Variants in PCDHGB5 observed in about 807,000 individuals in gnomAD.
PCDHGB5 encodes the protein protocadherin gamma subfamily B, 5.
Under a neutral mutation model 62.9 loss-of-function variants are expected in PCDHGB5, and 48 were observed. The observed-to-expected ratio is 0.76, with a 90% confidence interval of 0.61 to 0.97. The LOEUF is 0.97. Ranked by LOEUF, PCDHGB5 falls within the 50% of genes least tolerant of loss-of-function variation. The pLI, the probability that PCDHGB5 is intolerant of heterozygous loss-of-function variation, is 0.00. For missense variants in PCDHGB5, 1,118 were observed against 1,198.6 expected, an observed-to-expected ratio of 0.93 and a Z score of 0.99; for synonymous variants, 474 against 511.2, an observed-to-expected ratio of 0.93 and a Z score of 0.98.
Position 141,486,955 on chromosome 5 carries a change from T to A in PCDHGB5, c.2398-7852T>A, listed in dbSNP as rs1459820579. 1.9e-6 allele frequency: 3 copies of A among 1,614,128 alleles called. No individual in the cohort carries two copies. The highest frequency in any genetic ancestry group is 2.5e-6 in the Non-Finnish European group (3 of 1,180,048). ...CTGGCCACCTAATCACAAAGGTGACTGCTGTGGACTTGGATTCAGGTTACA... is the reference window on the plus strand; with the variant it reads ...CTGGCCACCTAATCACAAAGGTGACAGCTGTGGACTTGGATTCAGGTTACA... On this transcript the variant is annotated intron_variant, in intron 1 of 3. Coordinates refer to ENST00000617380, the MANE Select transcript of PCDHGB5 (RefSeq NM_018925.3). This position sits in a 1 kb window ranked among gnomAD's most constrained non-coding sequence, Gnocchi z 5.0.
rs768635851 is a variant in PCDHGB5 at position 141,489,334 on chromosome 5, C to G, written c.2398-5473C>G. 2 of 1,606,614 alleles carry G rather than the reference C, an allele frequency of 1.2e-6. No individual in the cohort carries two copies. Among genetic ancestry groups the G allele is most frequent in the Non-Finnish European group, 1.7e-6 (2 of 1,175,584 alleles). On this transcript the variant is annotated intron_variant, in intron 1 of 3. Coordinates refer to ENST00000617380, the MANE Select transcript of PCDHGB5 (RefSeq NM_018925.3). The surrounding 1 kb of genome is among the most constrained non-coding windows in gnomAD (Gnocchi z 4.5). Reference sequence around the variant, plus strand: ...CTGGGGCTGGGTGTCTGGGCAGCTTCGTTACTCAGTGGTGGAGGAGTCTGA... The same window carrying G: ...CTGGGGCTGGGTGTCTGGGCAGCTTGGTTACTCAGTGGTGGAGGAGTCTGA...
rs559544645 is a variant in PCDHGB5, at chr5:141,405,144, G to C, written c.2397+4620G>C. ...CATCTGCTGCGGGCTACCAGTGATGGGTTGGCTGGTGTGCCCACCTCACAC... is the reference window on the plus strand; with the variant it reads ...CATCTGCTGCGGGCTACCAGTGATGCGTTGGCTGGTGTGCCCACCTCACAC... On this transcript the variant is annotated intron_variant, in intron 1 of 3. Coordinates refer to ENST00000617380, the MANE Select transcript of PCDHGB5 (RefSeq NM_018925.3). 1.1e-4 allele frequency: 184 copies of C among 1,614,070 alleles called. 1 individual carries two copies. The South Asian group carries it at 1.9e-3, about 17-fold the overall frequency.
chr5:141,417,682 AAAAG>A (rs2096147308), intron 1 of PCDHGB5: 2 of 1,035,494 alleles, frequency 1.9e-6, no homozygotes, highest in Non-Finnish European at 2.7e-6. Context: ...CCAACAACAG[AAAAG>A]AAAACCAGCT....
intron 1 of PCDHGB5, chr5:141,421,043 C>T (rs1201118615): frequency 5.5e-6 from 3 of 548,238 alleles, no homozygotes; most frequent in African/African-American, 3.9e-5. Flanking sequence ...CCTCCCTCCC[C>T]CGCCTCTACC....
At chr5:141,497,060 G>T (rs1244885752) in intron 2 of PCDHGB5, among the ~76,000 whole-genome samples, 1 of 151,952 alleles carries the variant, frequency 6.6e-6, no homozygotes, top group Non-Finnish European at 1.5e-5. Context: ...GTGGTGGCAG[G>T]CACCTGTAAT....
intron 1 of PCDHGB5, among the ~76,000 whole-genome samples, chr5:141,481,728 C>T (rs529419213): frequency 2.1e-4 from 32 of 152,032 alleles, no homozygotes; most frequent in African/African-American, 7.2e-4. Flanking sequence ...CGGAGGCGGG[C>T]GGATCACGAG....
chr5:141,498,312 T>C (rs2099783060), intron 2 of PCDHGB5, among the ~76,000 whole-genome samples: 1 of 151,714 alleles, frequency 6.6e-6, no homozygotes, highest in Non-Finnish European at 1.5e-5. Context: ...TCACACTGCC[T>C]ACACAGAAGG....
intron 1 of PCDHGB5, chr5:141,410,497 T>TG (rs1192894414): frequency 6.2e-7 from 1 of 1,613,998 alleles, no homozygotes; most frequent in South Asian, 1.1e-5. Flanking sequence ...AAGAGTTTAA[T>TG]TTCCTAAAAT....
chr5:141,439,162 C>T (rs1422780686), intron 1 of PCDHGB5, among the ~76,000 whole-genome samples: 1 of 149,498 alleles, frequency 6.7e-6, no homozygotes, highest in Non-Finnish European at 1.5e-5. Flanking sequence ...CACTGCACTC[C>T]AGCCTGGGCG....
rs766258677 is a variant in PCDHGB5, at chr5:141,399,867, C to T, written c.1740C>T (p.Pro580=). Residue 580 remains proline, a synonymous_variant, in exon 1 of 4, where the codon CCC becomes CCT. Coordinates refer to ENST00000617380, the MANE Select transcript of PCDHGB5 (RefSeq NM_018925.3). ...ATATGGTGCCGCGCGCTGCAGAGCCCGGCTACCTGGTGACCAAGGTAGTGG... is the reference window on the plus strand; with the variant it reads ...ATATGGTGCCGCGCGCTGCAGAGCCTGGCTACCTGGTGACCAAGGTAGTGG... The part of the protein sequence containing the change: ...LFDMVPRAAE[P]GYLVTKVVAV... 17 of 1,612,738 alleles carry T rather than the reference C, an allele frequency of 1.1e-5. No homozygotes were observed. The highest frequency in any genetic ancestry group is 3.3e-5 in the South Asian group (3 of 91,062).
intron 1 of PCDHGB5, among the ~76,000 whole-genome samples, chr5:141,454,731 G>T (rs1249851832): frequency 6.7e-6 from 1 of 150,262 alleles, no homozygotes; most frequent in Non-Finnish European, 1.5e-5. Context: ...ATATGTTATA[G>T]GATGAAAAGA....
Position 141,476,793 on chromosome 5 carries a change from C to T in PCDHGB5, c.2398-18014C>T, listed in dbSNP as rs754785656. ...GACGGAGGGACCCCAGCTCTCTCCG[C>T]CAGCCTGCCTATTCACATCAAGGTG... On this transcript the variant is annotated intron_variant, in intron 1 of 3. Transcript: ENST00000617380. The surrounding 1 kb of genome is among the most constrained non-coding windows in gnomAD (Gnocchi z 7.6). 1.2e-6 allele frequency: 2 copies of T among 1,613,642 alleles called. No homozygotes were observed. The highest frequency in any genetic ancestry group is 2.2e-5 in the East Asian group (1 of 44,868).
At chr5:141,409,690 A>G in intron 1 of PCDHGB5, 1 of 1,613,354 alleles carries the variant, frequency 6.2e-7, no homozygotes. Flanking sequence ...CGAGTGACCT[A>G]GAGCCCCTGG....
chr5:141,461,228 A>C (rs1472527415), intron 1 of PCDHGB5, among the ~76,000 whole-genome samples: 1 of 151,976 alleles, frequency 6.6e-6, no homozygotes, highest in Non-Finnish European at 1.5e-5. Flanking sequence ...TTTTCCATAG[A>C]GGTTGTACTA....
intron 1 of PCDHGB5, chr5:141,430,838 G>C (rs866767896): frequency 1.3e-6 from 2 of 1,563,026 alleles, no homozygotes; most frequent in Middle Eastern, 1.7e-4. Context: ...GTGGGAGACC[G>C]GATGCACCCA....
intron 1 of PCDHGB5, chr5:141,484,858 T>A: frequency 4.1e-6 from 1 of 245,806 alleles, no homozygotes; most frequent in Non-Finnish European, 7.8e-6. Context: ...TTTTGGGGGG[T>A]GGGGGAGCGT....
chr5:141,424,036 C>A, intron 1 of PCDHGB5: 1 of 1,029,606 alleles, frequency 9.7e-7, no homozygotes, highest in Non-Finnish European at 1.2e-6. Context: ...CTTTTTATTT[C>A]CATTTCAATT....
chr5:141,400,121 A>C lies in PCDHGB5; in HGVS notation c.1994A>C (p.Gln665Pro). The change falls in exon 1 of 4, where the codon CAG becomes CCG. Residue 665 changes from glutamine (Q) to proline (P), a missense_variant. Coordinates refer to ENST00000617380, the MANE Select transcript of PCDHGB5 (RefSeq NM_018925.3). The part of the protein sequence containing the change: ...TLHLVFADSL[Q>P]EVLPDITDRP... Reference sequence around the variant, plus strand: ...CACTTGGTCTTTGCTGACAGCTTGCAGGAGGTGCTGCCGGATATCACTGAC... The same window carrying C: ...CACTTGGTCTTTGCTGACAGCTTGCCGGAGGTGCTGCCGGATATCACTGAC... 1.2e-6 allele frequency: 2 copies of C among 1,614,054 alleles called. No individual in the cohort carries two copies. The highest frequency in any genetic ancestry group is 1.7e-6 in the Non-Finnish European group (2 of 1,179,890).
chr5:141,434,277 A>G (rs760937958), intron 1 of PCDHGB5, among the ~76,000 whole-genome samples: 4 of 152,172 alleles, frequency 2.6e-5, no homozygotes, highest in Non-Finnish European at 4.4e-5. Flanking sequence ...AATTAGAGGT[A>G]TTCTCTGTTT....
Sources: gnomAD v4.1 joint callset for allele counts (sites outside exome capture counted in the v4.1 genomes callset) on GRCh38, gnomAD v4.1.1 for gene constraint, Gnocchi (gnomAD v3.1) non-coding constraint, MANE v1.5 for transcripts, NCBI Gene and HGNC (gene_info 2026-07-23, HGNC 2026-07-21) for gene names.